Variants in PDILT observed in about 807,000 individuals in gnomAD.
The protein encoded by PDILT is protein disulfide-isomerase-like protein of the testis.
A neutral mutation model predicts 53.7 loss-of-function variants in PDILT; 43 were observed. That is an observed-to-expected ratio of 0.80 (90% CI 0.63 to 1.03). PDILT has a LOEUF of 1.03. Ranked by LOEUF, PDILT falls within the 50% of genes least tolerant of loss-of-function variation. The probability of loss-of-function intolerance (pLI) is 0.00; values close to 1 mark genes in which losing one functional copy is unlikely to be tolerated. For synonymous variants in PDILT, 282 were observed against 274.2 expected (o/e 1.03, Z -0.28); for missense variants, 727 against 712.3 (o/e 1.02, Z -0.24).
chr16:20,375,883 T>C (rs923282919), intron 4 of PDILT, among the ~76,000 whole-genome samples, 185 bp downstream of exon 4: 1 of 152,242 alleles, frequency 6.6e-6, no homozygotes, highest in Admixed American at 6.5e-5. Flanking sequence ...TAAATACAGA[T>C]GCCAATCTTC....
chr16:20,375,773 T>C (rs896131096), intron 4 of PDILT, among the ~76,000 whole-genome samples: 1 of 149,394 alleles, frequency 6.7e-6, no homozygotes. Context: ...TTCAGATTCA[T>C]AGAGAACAAT....
Position 20,376,078 on chromosome 16 carries a change from C to A in PDILT, c.533G>T (p.Gly178Val), listed in dbSNP as rs150304493. 135 of 1,613,964 alleles carry A rather than the reference C, an allele frequency of 8.4e-5. No homozygotes were observed. The highest frequency in any genetic ancestry group is 1.1e-4 in the Non-Finnish European group (125 of 1,180,000). ...TCTTGGTCCCAGTACCTGGAAGAAG[C>A]CAACGATGACCAAGGGCCTGGATAT... ...FVISRPLVIV[G>V]FFQDLEEEVA... is the part of the protein sequence containing the mutation. Residue 178 changes from glycine to valine, a missense_variant, in exon 4 of 12, where the codon GGC becomes GTC. Coordinates refer to ENST00000302451, the MANE Select transcript of PDILT (RefSeq NM_174924.2).
At chr16:20,377,826 C>T (rs769132194) in intron 3 of PDILT, among the ~76,000 whole-genome samples, 11 of 151,924 alleles carry the variant, frequency 7.2e-5, no homozygotes, top group South Asian at 6.2e-4. Flanking sequence ...TGGTGGCACA[C>T]GCCTGTAATC....
chr16:20,367,060 T>C (rs1046673107), intron 8 of PDILT, among the ~76,000 whole-genome samples: 2 of 121,090 alleles, frequency 1.7e-5, no homozygotes, highest in African/African-American at 6.9e-5. Flanking sequence ...TCTTTCTTTC[T>C]TTCTTTCTTT....
chr16:20,393,201 C>T (rs982694420), intron 2 of PDILT, among the ~76,000 whole-genome samples: 8 of 152,164 alleles, frequency 5.3e-5, no homozygotes, highest in African/African-American at 1.9e-4. Flanking sequence ...AAGTGCTGGC[C>T]TGAATTCTAG....
At chr16:20,392,543 C>T (rs1966617848) in intron 2 of PDILT, among the ~76,000 whole-genome samples, 1 of 152,154 alleles carries the variant, frequency 6.6e-6, no homozygotes, top group Admixed American at 6.5e-5. Context: ...TTTCATAGTG[C>T]TTTCCCCAAG....
At chr16:20,373,538 C>G (rs1198738363) in intron 5 of PDILT, among the ~76,000 whole-genome samples, 2 of 152,198 alleles carry the variant, frequency 1.3e-5, no homozygotes, top group African/African-American at 2.4e-5. Context: ...GGTGTTAAAT[C>G]AAGTTTAGCA....
rs1966088637 is a variant in PDILT, at chr16:20,360,740, G to T, written c.1417-83C>A. The T allele has an allele frequency of 1.3e-5, 13 of 1,013,520 alleles. No individual in the cohort carries two copies. In the East Asian group the frequency reaches 3.1e-4, roughly 24 times the overall value. The allele number at this position is 1,013,520 out of a possible 1,614,324, so 62.8% of individuals were successfully genotyped here. A position where few individuals can be genotyped will look rare whatever the true frequency, so the allele number is the denominator to read the frequency against. ...GGATTGCTACCTAGGTAAACCCAGGGTCAAATTCCTAACAACCCCGGGTAT... is the reference window on the plus strand; with the variant it reads ...GGATTGCTACCTAGGTAAACCCAGGTTCAAATTCCTAACAACCCCGGGTAT... On this transcript the variant is annotated intron_variant, in intron 10 of 11. Coordinates refer to ENST00000302451, the MANE Select transcript of PDILT (RefSeq NM_174924.2).
In PDILT at chr16:20,384,635, G is replaced by A; in HGVS notation, c.409+10C>T. 1.2e-6 allele frequency: 2 copies of A among 1,613,946 alleles called. No homozygotes were observed. Among genetic ancestry groups the A allele is most frequent in the South Asian group, 2.2e-5 (2 of 91,066 alleles). On this transcript the variant is annotated intron_variant, in intron 3 of 11. Transcript: ENST00000302451. ...AGCATGAAACAAGTGTGACACACAA[G>A]CACCATTACCTTTGCAGCTGATGGG...
intron 1 of PDILT, 64 bp from the exon 2 acceptor site, chr16:20,399,371 C>A: frequency 6.5e-7 from 1 of 1,533,944 alleles, no homozygotes; most frequent in Non-Finnish European, 8.9e-7. Context: ...CACGTCATCA[C>A]CCCCACTTCC....
chr16:20,386,298 T>G (rs1966536933), intron 2 of PDILT, among the ~76,000 whole-genome samples: 1 of 152,030 alleles, frequency 6.6e-6, no homozygotes. Flanking sequence ...CTGATAACAT[T>G]GTGAGGCTGC....
chr16:20,362,859 G>A (rs1429086049), intron 9 of PDILT, among the ~76,000 whole-genome samples: 3 of 151,918 alleles, frequency 2.0e-5, no homozygotes, highest in African/African-American at 7.3e-5. Flanking sequence ...GGATCACAAG[G>A]TCAGGAGTTC....
At chr16:20,400,006 A>C (rs1966709645) in intron 1 of PDILT, among the ~76,000 whole-genome samples, 1 of 147,256 alleles carries the variant, frequency 6.8e-6, no homozygotes, top group East Asian at 2.0e-4. Flanking sequence ...ATACCTTTGA[A>C]TATATCTCTA....
At chr16:20,385,292 A>C (rs1966519688) in intron 2 of PDILT, among the ~76,000 whole-genome samples, 1 of 152,164 alleles carries the variant, frequency 6.6e-6, no homozygotes, top group Non-Finnish European at 1.5e-5. Context: ...TTATTATCTC[A>C]ATTTTATACA....
chr16:20,394,295 A>T (rs902647088), intron 2 of PDILT, among the ~76,000 whole-genome samples: 1 of 152,190 alleles, frequency 6.6e-6, no homozygotes, highest in Non-Finnish European at 1.5e-5. Context: ...CACTGTCTGA[A>T]AGAGCTTATT....
At chr16:20,384,236 C>G (rs1024394222) in intron 3 of PDILT, among the ~76,000 whole-genome samples, 1 of 152,174 alleles carries the variant, frequency 6.6e-6, no homozygotes, top group Non-Finnish European at 1.5e-5. Context: ...GTTTCTAGGG[C>G]CCATCAGCTG....
At chr16:20,364,131 C>A (rs537411067) in intron 9 of PDILT, among the ~76,000 whole-genome samples, 1 of 152,338 alleles carries the variant, frequency 6.6e-6, no homozygotes, top group South Asian at 2.1e-4. Context: ...GCTGCAGCCC[C>A]AGGGGGCCAA....
At chr16:20,393,091 T>C (rs1463448018) in intron 2 of PDILT, among the ~76,000 whole-genome samples, 1 of 152,234 alleles carries the variant, frequency 6.6e-6, no homozygotes, top group Non-Finnish European at 1.5e-5. Context: ...TTGGATGTTT[T>C]ATCTATGTAA....
chr16:20,403,570 G>A (rs1162121055), intron 1 of PDILT, among the ~76,000 whole-genome samples: 10 of 152,086 alleles, frequency 6.6e-5, no homozygotes, highest in East Asian at 1.9e-4. Context: ...GATTGCAGGC[G>A]TGAGCCACCG....
Sources: allele counts gnomAD v4.1 joint callset (sites outside exome capture counted in the v4.1 genomes callset), GRCh38; gene constraint gnomAD v4.1.1; transcripts MANE v1.5; gene names NCBI Gene and HGNC (gene_info 2026-07-23, HGNC 2026-07-21).